TRPC5: variants seen among roughly 807,000 people sequenced by gnomAD.
The protein encoded by TRPC5 is short transient receptor potential channel 5.
TRPC5 carries 9 observed loss-of-function variants against 56.5 expected under a neutral mutation model. That is an observed-to-expected ratio of 0.16 (90% CI 0.10 to 0.28). TRPC5 has a LOEUF of 0.28. Among genes scored for constraint, TRPC5 ranks in the 10% least tolerant of loss-of-function variants. The pLI, the probability that TRPC5 is intolerant of heterozygous loss-of-function variation, is 1.00. For synonymous variants in TRPC5, 282 were observed against 278.5 expected (o/e 1.01, Z -0.13); for missense variants, 469 against 748.9 (o/e 0.63, Z 4.36).
In TRPC5 at chrX:111,771,907, T is replaced by G. The variant is rs1045417761; in HGVS notation, c.*4406A>C. On this transcript the variant is annotated 3_prime_UTR_variant, in exon 11 of 11. Coordinates refer to ENST00000262839, the MANE Select transcript of TRPC5 (RefSeq NM_012471.3). ...CTCAGGAAATGTCTCATTGAAAAGT[T>G]ATTCTTGCTTCCCTCTCTTCAAAAT... Among the ~76,000 whole-genome samples the G allele has an allele frequency of 1.8e-5, 2 of 110,902 alleles. No homozygotes were observed. The highest frequency in any genetic ancestry group is 6.6e-5 in the African/African-American group (2 of 30,489).
At chrX:112,030,350 G>A (rs967611483) in intron 1 of TRPC5, among the ~76,000 whole-genome samples, 1 of 112,213 alleles carries the variant, frequency 8.9e-6, no homozygotes, top group African/African-American at 3.2e-5. Context: ...TGACTTGCCC[G>A]AAGTCCATAG....
At chrX:111,813,408 ATGT>A (rs1434277188) in intron 7 of TRPC5, among the ~76,000 whole-genome samples, 2 of 111,892 alleles carry the variant, frequency 1.8e-5, no homozygotes, top group East Asian at 2.8e-4. Context: ...ACACCCTCAA[ATGT>A]TGTTGATTTG....
At chrX:111,829,792 A>T (rs1922354895) in intron 7 of TRPC5, among the ~76,000 whole-genome samples, 1 of 113,339 alleles carries the variant, frequency 8.8e-6, no homozygotes. Flanking sequence ...GTCCAGGCAG[A>T]GGTGTGCTGC....
At chrX:111,801,857 A>G (rs188672611) in intron 7 of TRPC5, among the ~76,000 whole-genome samples, 32 of 112,060 alleles carry the variant, frequency 2.9e-4, no homozygotes, top group Admixed American at 2.6e-3. Context: ...TCTTGATAGT[A>G]TATGTTGAGG....
rs190470974 is a variant in TRPC5 at position 112,081,468 on chromosome X, G to T, written c.-22+411C>A. On this transcript the variant is annotated intron_variant, in intron 1 of 10. Transcript: ENST00000262839. ...TCTATTTCTGAAGGTGGCTTTTGAC[G>T]AAGGGCAGGTATCCTTGGTCCGAGG... is the stretch of plus-strand genomic sequence containing the variant. Among the ~76,000 whole-genome samples, 402 of 111,308 alleles carry T rather than the reference G, an allele frequency of 3.6e-3. 1 individual carries two copies. Among genetic ancestry groups the T allele is most frequent in the Non-Finnish European group, 5.4e-3 (286 of 53,054 alleles).
At chrX:112,021,935 T>C (rs1252676873) in intron 1 of TRPC5, among the ~76,000 whole-genome samples, 9 of 112,568 alleles carry the variant, frequency 8.0e-5, no homozygotes, top group African/African-American at 1.9e-4. Context: ...AGATTAAGAA[T>C]ACCTGTTCTT....
At chrX:111,887,482 C>T (rs1435110656) in intron 3 of TRPC5, among the ~76,000 whole-genome samples, 1 of 112,127 alleles carries the variant, frequency 8.9e-6, no homozygotes, top group African/African-American at 3.2e-5. Context: ...GAAGGTCTTT[C>T]CTCAAGGACT....
chrX:111,987,426 T>A (rs1023173570), intron 1 of TRPC5, among the ~76,000 whole-genome samples: 6 of 111,338 alleles, frequency 5.4e-5, no homozygotes, highest in African/African-American at 2.0e-4. Flanking sequence ...TTATTAACTA[T>A]AGTAACTATA....
intron 1 of TRPC5, among the ~76,000 whole-genome samples, chrX:111,979,516 C>T (rs769805809): frequency 2.2e-4 from 25 of 111,363 alleles, no homozygotes; most frequent in African/African-American, 6.5e-4. Context: ...TCTAAAGACA[C>T]TATTGAGAAA....
At chrX:111,966,852 G>A (rs963453610) in intron 1 of TRPC5, among the ~76,000 whole-genome samples, 4 of 111,689 alleles carry the variant, frequency 3.6e-5, no homozygotes, top group African/African-American at 9.8e-5. Context: ...AGCTATCTGT[G>A]ACAAACCCGC....
At chrX:112,068,115 C>T (rs1458348333) in intron 1 of TRPC5, among the ~76,000 whole-genome samples, 2 of 112,030 alleles carry the variant, frequency 1.8e-5, no homozygotes, top group African/African-American at 6.5e-5. Flanking sequence ...AATGTCTCTT[C>T]TGTCTGTCCT....
At chrX:111,829,557 A>G (rs1270165105) in intron 7 of TRPC5, among the ~76,000 whole-genome samples, 1 of 111,786 alleles carries the variant, frequency 8.9e-6, no homozygotes, top group Non-Finnish European at 1.9e-5. Flanking sequence ...AGGCCCAGGG[A>G]CCACCTTGCT....
At chrX:111,837,250 T>C (rs943692513) in intron 6 of TRPC5, among the ~76,000 whole-genome samples, 7 of 110,951 alleles carry the variant, frequency 6.3e-5, no homozygotes, top group African/African-American at 2.3e-4. Context: ...GGCAATACAA[T>C]GCATCGCAGA....
intron 1 of TRPC5, among the ~76,000 whole-genome samples, chrX:112,041,982 C>A (rs1288685051): frequency 9.0e-6 from 1 of 111,507 alleles, no homozygotes; most frequent in Non-Finnish European, 1.9e-5. Flanking sequence ...TTTGTTTTAT[C>A]ATTACTTTAT....
intron 3 of TRPC5, among the ~76,000 whole-genome samples, chrX:111,905,789 C>A (rs1039730925): frequency 9.2e-6 from 1 of 108,934 alleles, no homozygotes; most frequent in African/African-American, 3.4e-5. Context: ...GTGGCGGGCG[C>A]CTGTAGTCCC....
At chrX:111,816,945 A>G (rs1289564137) in intron 7 of TRPC5, among the ~76,000 whole-genome samples, 1 of 111,860 alleles carries the variant, frequency 8.9e-6, no homozygotes, top group South Asian at 3.7e-4. Flanking sequence ...GGAAATAAAC[A>G]TGTTACTTCC....
intron 7 of TRPC5, among the ~76,000 whole-genome samples, chrX:111,820,386 G>T (rs1482513878): frequency 8.9e-6 from 1 of 112,013 alleles, no homozygotes; most frequent in Non-Finnish European, 1.9e-5. Flanking sequence ...CAGTAGGAGG[G>T]GGTAAACTAT....
At chrX:111,891,687 C>T (rs1157079126) in intron 3 of TRPC5, among the ~76,000 whole-genome samples, 1 of 110,819 alleles carries the variant, frequency 9.0e-6, no homozygotes, top group Non-Finnish European at 1.9e-5. Context: ...ATTACAGGCA[C>T]CCACCACAAC....
intron 7 of TRPC5, among the ~76,000 whole-genome samples, chrX:111,831,070 T>G (rs1922392956): frequency 8.9e-6 from 1 of 112,393 alleles, no homozygotes; most frequent in Admixed American, 9.4e-5. Context: ...ATATTCAGAC[T>G]GTTTAAAAAA....
Sources: allele counts gnomAD v4.1 joint callset (sites outside exome capture counted in the v4.1 genomes callset), GRCh38; gene constraint gnomAD v4.1.1; transcripts MANE v1.5; gene names NCBI Gene and HGNC (gene_info 2026-07-23, HGNC 2026-07-21).